The following NTRK1 variants were observed in gnomAD, a reference collection of about 807,000 sequenced individuals.
The protein encoded by NTRK1 is high affinity nerve growth factor receptor.
A neutral mutation model predicts 86.8 loss-of-function variants in NTRK1; 62 were observed. The ratio of observed to expected loss-of-function variants is 0.71; its 90% CI spans 0.58 to 0.88. The LOEUF (loss-of-function observed/expected upper bound fraction) is 0.88, where lower values mean the gene tolerates loss of function less well. NTRK1 is among the 40% of genes least tolerant of loss of function. The pLI, the probability that NTRK1 is intolerant of heterozygous loss-of-function variation, is 0.00. For synonymous variants in NTRK1, 469 were observed against 456.6 expected, an observed-to-expected ratio of 1.03 and a Z score of -0.35; for missense variants, 967 against 1,078.4, an observed-to-expected ratio of 0.90 and a Z score of 1.45.
intron 6 of NTRK1, among the ~76,000 whole-genome samples, chr1:156,869,499 T>A (rs1355218376): frequency 2.0e-5 from 3 of 152,042 alleles, no homozygotes; most frequent in Non-Finnish European, 2.9e-5. Context: ...GGAAGCAGCA[T>A]CCTCTTGGGC....
At chr1:156,867,121 A>T (rs1655974077) in intron 4 of NTRK1, 143 bp downstream of exon 4, 1 of 864,852 alleles carries the variant, frequency 1.2e-6, no homozygotes, top group Non-Finnish European at 1.9e-6. Flanking sequence ...TGCCAGTGAA[A>T]CCCCCATCAA....
chr1:156,874,774 C>A (rs1282589305), intron 10 of NTRK1, 132 bp from the exon 11 acceptor site: 1 of 1,182,454 alleles, frequency 8.5e-7, no homozygotes, highest in African/African-American at 1.5e-5. Context: ...TGCAGGGGTC[C>A]CCAGGGGAGG....
chr1:156,876,186 G>A lies in NTRK1; in HGVS notation c.1608G>A (p.Gln536=), dbSNP rs1307611044. ...LAECHNLLPE[Q]DKMLVAVKAL... ...AGTGCCACAACCTCCTGCCTGAGCA[G>A]GACAAGATGCTGGTGGCTGTCAAGG... The change falls in exon 13 of 17, where the codon CAG becomes CAA. Residue 536 remains glutamine (Q), a synonymous_variant. Transcript: ENST00000524377. 3.1e-6 allele frequency: 5 copies of A among 1,614,050 alleles called. No individual in the cohort carries two copies. In the African/African-American group the frequency reaches 5.3e-5, roughly 17 times the overall value.
intron 8 of NTRK1, 103 bp downstream of exon 8, chr1:156,874,062 C>T (rs1186126881): frequency 1.9e-5 from 24 of 1,284,018 alleles, no homozygotes; most frequent in East Asian, 2.5e-5. Context: ...GTGCCTGGTT[C>T]GGGACAGAAA....
upstream of NTRK1, among the ~76,000 whole-genome samples, chr1:156,857,521 C>T (rs1655452558): frequency 6.6e-6 from 1 of 152,200 alleles, no homozygotes; most frequent in South Asian, 2.1e-4. Context: ...GGATGTGCTC[C>T]TGTCCTGACA....
At chr1:156,832,370 G>A (rs1036032298) in intron 1 of NTRK1, among the ~76,000 whole-genome samples, 3 of 152,216 alleles carry the variant, frequency 2.0e-5, no homozygotes, top group Non-Finnish European at 2.9e-5. Context: ...GTCATTCAGA[G>A]TTTAACTCTG....
intron 1 of NTRK1, among the ~76,000 whole-genome samples, chr1:156,821,495 A>G (rs868110170): frequency 0.036 from 3,763 of 103,942 alleles, 161 homozygotes; most frequent in African/African-American, 0.13. Context: ...GTGTGTGTGT[A>G]TGTGTAGGGG....
intron 2 of NTRK1, chr1:156,846,199 G>T: frequency 1.4e-6 from 2 of 1,391,526 alleles, no homozygotes; most frequent in South Asian, 1.4e-5. Context: ...CTCCTTTCTG[G>T]GGTCCAACAG....
chr1:156,848,889 G>GC (rs1655102542), intron 2 of NTRK1: 2 of 1,506,710 alleles, frequency 1.3e-6, no homozygotes, highest in African/African-American at 2.8e-5. Context: ...GTCCGGTCCC[G>GC]CCCCCGCTCC....
rs577172324 is a variant in NTRK1, at chr1:156,845,875, C to A, written c.50+3682C>A. 6.1e-5 allele frequency: 98 copies of A among 1,600,060 alleles called. 1 individual carries two copies. The highest frequency in any genetic ancestry group is 5.9e-4 in the East Asian group (26 of 44,178). ...CGGTCTACCCGCCTCTGATCCCCCC[C>A]ACCTGCCGGGGCCCTGCGCCTCCAT... On this transcript the variant is annotated intron_variant, in intron 2 of 16. Transcript: ENST00000392302.
Position 156,879,332 on chromosome 1 carries a change from C to T in NTRK1, c.2016C>T (p.Ser672=), listed in dbSNP as rs757891009. 2.5e-6 allele frequency: 4 copies of T among 1,610,474 alleles called. No homozygotes were observed. Among genetic ancestry groups the T allele is most frequent in the Non-Finnish European group, 3.4e-6 (4 of 1,179,994 alleles). ...TCAAGATTGGTGATTTTGGCATGAG[C>T]AGGGATATCTACAGCACCGACTATT... ...LVVKIGDFGM[S]RDIYSTDYYR... The change falls in exon 15 of 17, where the codon AGC becomes AGT. Residue 672 remains serine (S), a synonymous_variant. Transcript: ENST00000524377.
chr1:156,868,106 T>G lies in NTRK1; in HGVS notation c.431T>G (p.Val144Gly), dbSNP rs1373216040. 1.9e-6 allele frequency: 3 copies of G among 1,613,700 alleles called. No homozygotes were observed. In the South Asian group the frequency reaches 3.3e-5, roughly 18 times the overall value. Residue 144 changes from valine to glycine, a missense_variant and splice_region_variant, in exon 5 of 17, where the codon GTC becomes GGC. This residue lies in a region of NTRK1 where 330 missense variants were observed against 302.0 expected (regional missense o/e 1.09). Transcript: ENST00000524377. The stretch of plus-strand genomic sequence containing the variant: ...TTGGTGTCCCCCATGCCCCCCAGGG[T>G]CCTGTCGGGGAACCCTCTGCACTGT... The part of the protein sequence containing the change: ...TVQGLSLQEL[V>G]LSGNPLHCSC...
chr1:156,876,605 C>A (rs998239791), intron 14 of NTRK1, 33 bp downstream of exon 14: 12 of 1,593,424 alleles, frequency 7.5e-6, no homozygotes, highest in East Asian at 6.8e-5. Context: ...CTGGCCCCGG[C>A]CCCTGGCTCT....
At position 156,845,323 on chromosome 1, in the gene NTRK1, C is replaced by T. The variant is rs775055011; in HGVS notation, c.50+3130C>T. ...TGGGGAGAGCGAGTCAGAGCCAAGGCCCAGCCCCCAAAGCCACGCCCCTCA... is the reference window on the plus strand; with the variant it reads ...TGGGGAGAGCGAGTCAGAGCCAAGGTCCAGCCCCCAAAGCCACGCCCCTCA... On this transcript the variant is annotated intron_variant, in intron 2 of 16. Transcript: ENST00000392302. The T allele has an allele frequency of 1.9e-6, 3 of 1,610,028 alleles. No homozygotes were observed. In the East Asian group the frequency reaches 6.7e-5, roughly 36 times the overall value.
chr1:156,833,479 C>T (rs183419049), intron 1 of NTRK1, among the ~76,000 whole-genome samples: 273 of 152,142 alleles, frequency 1.8e-3, no homozygotes, highest in Middle Eastern at 3.4e-3. Flanking sequence ...ATTGCTTGAC[C>T]CTGGGAGGTG....
At chr1:156,863,412 G>C (rs1016564856) in intron 1 of NTRK1, among the ~76,000 whole-genome samples, 2 of 149,468 alleles carry the variant, frequency 1.3e-5, no homozygotes, top group Non-Finnish European at 1.5e-5. Flanking sequence ...CCATCTTTCT[G>C]TCTCTCTCTC....
chr1:156,871,791 A>G (rs750310640), intron 7 of NTRK1, 36 bp downstream of exon 7: 1 of 1,613,386 alleles, frequency 6.2e-7, no homozygotes, highest in African/African-American at 1.3e-5. Context: ...CCCACCCCCT[A>G]CTCATCTCTT....
intron 1 of NTRK1, chr1:156,816,638 GC>G: frequency 1.3e-6 from 2 of 1,589,154 alleles, no homozygotes; most frequent in Non-Finnish European, 1.7e-6. Context: ...GGGTCTTTGT[GC>G]CCCCTCCCAC....
intron 2 of NTRK1, chr1:156,852,251 C>A: frequency 6.8e-7 from 1 of 1,478,086 alleles, no homozygotes; most frequent in Non-Finnish European, 9.2e-7. Context: ...GCTGTCCTTC[C>A]AATGCTGGCC....
Sources: gnomAD v4.1 joint callset for allele counts (sites outside exome capture counted in the v4.1 genomes callset) on GRCh38, gnomAD v4.1.1 for gene constraint, gnomAD v4.1.1 regional missense constraint, MANE v1.5 for transcripts, NCBI Gene and HGNC (gene_info 2026-07-23, HGNC 2026-07-21) for gene names.